The following ZBTB16 variants were observed in gnomAD, a reference collection of about 807,000 sequenced individuals.
The protein encoded by ZBTB16 is zinc finger and BTB domain containing 16, also known as zinc finger and BTB domain-containing protein 16.
In ZBTB16, 8 loss-of-function variants were observed where a neutral mutation model predicts 56.8. The ratio of observed to expected loss-of-function variants is 0.14; its 90% CI spans 0.08 to 0.25. The LOEUF (loss-of-function observed/expected upper bound fraction) is 0.25. ZBTB16 is among the 10% of genes least tolerant of loss of function. The pLI is 1.00. For synonymous variants in ZBTB16, 363 were observed against 368.5 expected (o/e 0.98, Z 0.17); for missense variants, 625 against 903.0 (o/e 0.69, Z 3.95).
chr11:114,141,179 G>A (rs976879975), intron 2 of ZBTB16, among the ~76,000 whole-genome samples: 1 of 152,192 alleles, frequency 6.6e-6, no homozygotes, highest in South Asian at 2.1e-4. Context: ...CTTGGCTCAT[G>A]TGATGCCTCC....
At chr11:114,117,129 A>G (rs1182048602) in intron 2 of ZBTB16, among the ~76,000 whole-genome samples, 6 of 152,122 alleles carry the variant, frequency 3.9e-5, no homozygotes, top group African/African-American at 1.4e-4. Flanking sequence ...AGGTAGAGGT[A>G]ACAGCACACG....
Position 114,063,291 on chromosome 11 carries a change from G to A in ZBTB16, c.-10G>A. On this transcript the variant is annotated 5_prime_UTR_variant, in exon 2 of 7. Coordinates refer to ENST00000335953, the MANE Select transcript of ZBTB16 (RefSeq NM_006006.6). The surrounding 1 kb of genome is among the most constrained non-coding windows in gnomAD (Gnocchi z 6.5). ...AAAGAAAGCCTCATGCCTGAGCCGA[G>A]GGGAGCACCATGGATCTGACAAAAA... 6.2e-7 allele frequency: 1 copy of A among 1,613,448 alleles called. No homozygotes were observed. The highest frequency in any genetic ancestry group is 8.5e-7 in the Non-Finnish European group (1 of 1,179,942).
intron 3 of ZBTB16, among the ~76,000 whole-genome samples, chr11:114,167,386 G>GTT (rs200403454): frequency 3.2e-5 from 3 of 94,684 alleles, no homozygotes; most frequent in Admixed American, 1.1e-4. Context: ...GAGTTTTTTT[G>GTT]TTTTTTTTTT....
chr11:114,091,612 C>G (rs545487453), intron 2 of ZBTB16, among the ~76,000 whole-genome samples: 2 of 142,660 alleles, frequency 1.4e-5, no homozygotes, highest in Non-Finnish European at 1.5e-5. Flanking sequence ...CTCCCTCCCT[C>G]CCTCCCTCCC....
At chr11:114,142,732 G>A (rs1941987364) in intron 2 of ZBTB16, among the ~76,000 whole-genome samples, 1 of 151,476 alleles carries the variant, frequency 6.6e-6, no homozygotes, top group Non-Finnish European at 1.5e-5. Context: ...GGAGGATGTA[G>A]GGAGGATGGA....
intron 4 of ZBTB16, among the ~76,000 whole-genome samples, chr11:114,194,745 C>T (rs1162684642): frequency 6.6e-6 from 1 of 152,148 alleles, no homozygotes; most frequent in Non-Finnish European, 1.5e-5. Flanking sequence ...CGTGCACACC[C>T]CCATGCACAC....
rs1565663188 is a variant in ZBTB16, at chr11:114,167,236, T to TTTG, written c.1366+10804_1366+10805insGTT. ...TTGTGGTTTTTTTTTTTTTTGGTTT[T>TTTG]TTTTTTTTTTTTTTTTTGACAAGCT... On this transcript the variant is annotated intron_variant, in intron 3 of 6. Transcript: ENST00000335953. Among the ~76,000 whole-genome samples the TTTG allele has an allele frequency of 1.1e-4, 14 of 126,730 alleles. 1 individual carries two copies. The highest frequency in any genetic ancestry group is 4.4e-4 in the East Asian group (2 of 4,582). The allele number at this position is 126,730 out of a possible 152,430, so 83.1% of individuals were successfully genotyped here.
At chr11:114,236,962 G>T (rs1944606223) in intron 4 of ZBTB16, among the ~76,000 whole-genome samples, 2 of 152,230 alleles carry the variant, frequency 1.3e-5, no homozygotes, top group South Asian at 4.1e-4. Flanking sequence ...CCTCAAAGAT[G>T]CCTTCTCTAG....
intron 2 of ZBTB16, among the ~76,000 whole-genome samples, chr11:114,082,187 G>A (rs540829466): frequency 2.0e-5 from 3 of 152,062 alleles, no homozygotes; most frequent in African/African-American, 7.2e-5. Context: ...GGCTGAAGAG[G>A]GAGGATGGCT....
At chr11:114,180,870 T>C (rs1943231598) in intron 3 of ZBTB16, 1 of 152,252 alleles carries the variant, frequency 6.6e-6, no homozygotes, top group Admixed American at 6.5e-5. Flanking sequence ...ACTGGGAAGA[T>C]GGAAGAGAGC....
At chr11:114,108,891 T>C (rs1228267089) in intron 2 of ZBTB16, among the ~76,000 whole-genome samples, 5 of 152,250 alleles carry the variant, frequency 3.3e-5, no homozygotes, top group East Asian at 1.9e-4. Context: ...TTTGTGGCTA[T>C]TGGGACAGGC....
intron 2 of ZBTB16, among the ~76,000 whole-genome samples, chr11:114,109,075 G>T (rs1219145837): frequency 6.6e-6 from 1 of 152,216 alleles, no homozygotes; most frequent in African/African-American, 2.4e-5. Flanking sequence ...CTGAGACCTG[G>T]CACTGCAGGA....
intron 4 of ZBTB16, among the ~76,000 whole-genome samples, chr11:114,238,677 T>C (rs909335210): frequency 3.3e-5 from 5 of 152,010 alleles, no homozygotes; most frequent in African/African-American, 9.7e-5. Context: ...TTCATGGCAC[T>C]GCATTGCCTG....
chr11:114,246,347 G>T (rs547301784), intron 5 of ZBTB16, among the ~76,000 whole-genome samples: 1 of 152,292 alleles, frequency 6.6e-6, no homozygotes, highest in African/African-American at 2.4e-5. Flanking sequence ...TCCCAACTCA[G>T]CTCCTTACTT....
At chr11:114,111,522 C>A (rs919575799) in intron 2 of ZBTB16, among the ~76,000 whole-genome samples, 1 of 152,142 alleles carries the variant, frequency 6.6e-6, no homozygotes, top group African/African-American at 2.4e-5. Flanking sequence ...CATGAAATGA[C>A]GCTAAATAAT....
intron 2 of ZBTB16, among the ~76,000 whole-genome samples, chr11:114,097,984 T>C (rs1343113147): frequency 1.3e-5 from 2 of 152,224 alleles, no homozygotes; most frequent in African/African-American, 2.4e-5. Flanking sequence ...TTGGTACGTA[T>C]GTGGTCAGGT....
chr11:114,242,856 C>G (rs1481384026), intron 5 of ZBTB16, among the ~76,000 whole-genome samples: 1 of 152,180 alleles, frequency 6.6e-6, no homozygotes, highest in African/African-American at 2.4e-5. Context: ...GTAACAAAGG[C>G]CTGTACTTGG....
intron 2 of ZBTB16, among the ~76,000 whole-genome samples, chr11:114,137,968 G>T (rs1941840235): frequency 6.6e-6 from 1 of 152,222 alleles, no homozygotes; most frequent in Non-Finnish European, 1.5e-5. Context: ...GTGTTGCTGT[G>T]CTGGCAGCTT....
intron 4 of ZBTB16, among the ~76,000 whole-genome samples, chr11:114,214,427 T>C (rs1944055355): frequency 6.6e-6 from 1 of 152,356 alleles, no homozygotes; most frequent in Admixed American, 6.5e-5. Flanking sequence ...TTACCTTTTA[T>C]GGCATACTGG....
Sources: allele counts gnomAD v4.1 joint callset (sites outside exome capture counted in the v4.1 genomes callset), GRCh38; gene constraint gnomAD v4.1.1; non-coding constraint Gnocchi (gnomAD v3.1); transcripts MANE v1.5; gene names NCBI Gene and HGNC (gene_info 2026-07-23, HGNC 2026-07-21).